Variants in RICTOR observed in about 807,000 individuals in gnomAD.
RICTOR encodes rapamycin-insensitive companion of mTOR.
In RICTOR, 49 loss-of-function variants were observed where a neutral mutation model predicts 214.9. The observed-to-expected ratio is 0.23, with a 90% CI of 0.18 to 0.29. The LOEUF is 0.29. Ranked by LOEUF, RICTOR falls within the 10% of genes least tolerant of loss-of-function variation. The pLI is 1.00. For synonymous variants in RICTOR, 717 were observed against 711.3 expected (o/e 1.01, Z -0.13); for missense variants, 1,625 against 2,047.0 (o/e 0.79, Z 3.98).
In RICTOR at chr5:38,962,940, G is replaced by C. The variant is rs2150024063; in HGVS notation, c.1502C>G (p.Ala501Gly). The change falls in exon 17 of 38, where the codon GCA becomes GGA. Residue 501 changes from alanine to glycine, a missense_variant. Around this residue, in one of 5 missense-constraint regions of RICTOR, gnomAD observed 1,214 missense variants for 1,470.5 expected, o/e 0.83. Transcript: ENST00000357387. The stretch of plus-strand genomic sequence containing the variant: ...ATCCCGTTTCTGGTGTGTTGCAATT[G>C]CTTTCTGAATAATGTGGTCTAAATG... ...SLHLDHIIQK[A>G]IATHQKRDQY... is the part of the protein sequence containing the mutation. 6.2e-7 allele frequency: 1 copy of C among 1,612,526 alleles called. No homozygotes were observed. Among genetic ancestry groups the C allele is most frequent in the Non-Finnish European group, 8.5e-7 (1 of 1,178,726 alleles).
intron 17 of RICTOR, 122 bp downstream of exon 17, chr5:38,962,754 G>C: frequency 1.1e-6 from 1 of 893,776 alleles, no homozygotes. Context: ...AAACTCAGAA[G>C]CCATCTGAAA....
chr5:39,052,286 G>A (rs1757909456), intron 2 of RICTOR, among the ~76,000 whole-genome samples: 1 of 152,128 alleles, frequency 6.6e-6, no homozygotes, highest in African/African-American at 2.4e-5. Context: ...TGAGACAGGA[G>A]GATCCCTTGA....
intron 2 of RICTOR, among the ~76,000 whole-genome samples, chr5:39,063,208 A>AT (rs1379880628): frequency 1.3e-5 from 2 of 152,170 alleles, no homozygotes; most frequent in Non-Finnish European, 1.5e-5. Flanking sequence ...GAATGCAGAC[A>AT]TTTATAGACT....
At position 38,950,130 on chromosome 5, in the gene RICTOR, T is replaced by C; in HGVS notation, c.3718A>G (p.Thr1240Ala). ...SSMSSSPSRE[T>A]VGVDATTMDT... ...ATAGTTGTAGCATCTACACCTACTG[T>C]CTCTCGTGAAGGACTTGAGCTCATT... Residue 1240 changes from threonine (T) to alanine (A), a missense_variant, in exon 31 of 38, where the codon ACA (threonine) becomes GCA (alanine). Physicochemically the swap from Thr to Ala is moderately conservative, Grantham distance 58. Around this residue, in one of 5 missense-constraint regions of RICTOR, gnomAD observed 1,214 missense variants for 1,470.5 expected, o/e 0.83. Transcript: ENST00000357387. 2 of 1,613,466 alleles carry C rather than the reference T, an allele frequency of 1.2e-6. No homozygotes were observed. Among genetic ancestry groups the C allele is most frequent in the Non-Finnish European group, 8.5e-7 (1 of 1,179,642 alleles).
At chr5:39,070,331 C>T (rs1386474364) in intron 2 of RICTOR, among the ~76,000 whole-genome samples, 6 of 151,844 alleles carry the variant, frequency 4.0e-5, no homozygotes, top group African/African-American at 1.2e-4. Flanking sequence ...TAGCCGGGCG[C>T]GGTGGCGGGC....
chr5:39,070,824 G>C (rs1376791673), intron 2 of RICTOR, among the ~76,000 whole-genome samples: 3 of 152,128 alleles, frequency 2.0e-5, no homozygotes, highest in Admixed American at 2.0e-4. Context: ...CAGTACAAAT[G>C]GCGAGAGGAA....
intron 2 of RICTOR, among the ~76,000 whole-genome samples, chr5:39,069,189 G>C (rs1164186741): frequency 6.6e-6 from 1 of 152,182 alleles, no homozygotes; most frequent in African/African-American, 2.4e-5. Flanking sequence ...TACAGAGGGA[G>C]AGTTTTGCTT....
rs368191098 is a variant in RICTOR, at chr5:39,021,085, C to A, written c.149G>T (p.Gly50Val). ...GCCTAGCTTTCTCATATTTGATACTCCCTGCAATCTGGCCACATTTTGGAG... is the reference window on the plus strand; with the variant it reads ...GCCTAGCTTTCTCATATTTGATACTACCTGCAATCTGGCCACATTTTGGAG... ...EILQNVARLQGVSNMRKLGHL... is the reference protein window; with the variant it reads ...EILQNVARLQVVSNMRKLGHL... Residue 50 changes from glycine (G) to valine (V), a missense_variant, in exon 3 of 38, where the codon GGA becomes GTA. Around this residue, in one of 5 missense-constraint regions of RICTOR, gnomAD observed 258 missense variants for 393.7 expected, o/e 0.66. Coordinates refer to ENST00000357387, the MANE Select transcript of RICTOR (RefSeq NM_152756.5). 1 of 1,602,902 alleles carries A rather than the reference C, an allele frequency of 6.2e-7. No individual in the cohort carries two copies. The highest frequency in any genetic ancestry group is 8.5e-7 in the Non-Finnish European group (1 of 1,170,106).
At chr5:38,957,057 G>A (rs908611520) in intron 25 of RICTOR, among the ~76,000 whole-genome samples, 3 of 152,202 alleles carry the variant, frequency 2.0e-5, no homozygotes, top group East Asian at 1.9e-4. Context: ...TTTCCAAGAT[G>A]CTTCGATGAC....
At chr5:39,032,322 A>G (rs1756334221) in intron 2 of RICTOR, among the ~76,000 whole-genome samples, 1 of 152,230 alleles carries the variant, frequency 6.6e-6, no homozygotes, top group South Asian at 2.1e-4. Context: ...GCACATAATA[A>G]TCTTTTGATC....
intron 5 of RICTOR, among the ~76,000 whole-genome samples, chr5:39,000,705 G>A (rs924527224): frequency 5.3e-5 from 8 of 151,942 alleles, no homozygotes; most frequent in African/African-American, 7.2e-5. Context: ...TGTAATTAAT[G>A]CTTATACACA....
chr5:39,041,409 C>T (rs1177667495), intron 2 of RICTOR, among the ~76,000 whole-genome samples: 1 of 152,036 alleles, frequency 6.6e-6, no homozygotes, highest in African/African-American at 2.4e-5. Flanking sequence ...GTTAACATAT[C>T]TTATATCTTT....
At chr5:39,035,676 A>G (rs1332090679) in intron 2 of RICTOR, among the ~76,000 whole-genome samples, 4 of 152,384 alleles carry the variant, frequency 2.6e-5, no homozygotes, top group Non-Finnish European at 4.4e-5. Flanking sequence ...ACGAAGGCAC[A>G]AGCCTCAGTA....
At chr5:39,073,897 G>A (rs912772891) in intron 2 of RICTOR, among the ~76,000 whole-genome samples, 11 of 152,166 alleles carry the variant, frequency 7.2e-5, no homozygotes, top group African/African-American at 2.4e-4. Context: ...CCCGGAGAAG[G>A]GCTCGGGCGA....
At chr5:39,060,520 G>A (rs1480260418) in intron 2 of RICTOR, among the ~76,000 whole-genome samples, 2 of 152,046 alleles carry the variant, frequency 1.3e-5, no homozygotes, top group South Asian at 2.1e-4. Context: ...ATTACAGAGG[G>A]TAGTAATAAA....
At chr5:39,049,596 G>A (rs565496526) in intron 2 of RICTOR, among the ~76,000 whole-genome samples, 1 of 148,282 alleles carries the variant, frequency 6.7e-6, no homozygotes, top group Admixed American at 6.7e-5. Context: ...CTGGCTTAAG[G>A]GAAAAAAAGA....
intron 2 of RICTOR, among the ~76,000 whole-genome samples, chr5:39,070,471 G>T (rs1005112860): frequency 6.6e-6 from 1 of 151,454 alleles, no homozygotes; most frequent in Non-Finnish European, 1.5e-5. Flanking sequence ...GCGAGACTCC[G>T]TCTCAAATAA....
intron 2 of RICTOR, among the ~76,000 whole-genome samples, chr5:39,027,087 G>A (rs979555971): frequency 6.6e-6 from 1 of 152,168 alleles, no homozygotes; most frequent in East Asian, 1.9e-4. Context: ...CAGATTGAGA[G>A]AGAAACCAAA....
Position 38,962,570 on chromosome 5 carries a change from A to G in RICTOR, c.1583T>C (p.Leu528Pro). 6.4e-7 allele frequency: 1 copy of G among 1,553,472 alleles called. No homozygotes were observed. The highest frequency in any genetic ancestry group is 8.8e-7 in the Non-Finnish European group (1 of 1,138,676). ...IFILKDTEEALLINLRDSQVL... is the reference protein window; with the variant it reads ...IFILKDTEEAPLINLRDSQVL... ...TTGGCTATCTCTAAGGTTAATTAAA[A>G]GAGCTTCCTCTGTATCCTAAAATCA... Residue 528 changes from leucine to proline, a missense_variant, in exon 18 of 38, where the codon CTT becomes CCT. Leu to Pro is a moderately conservative substitution (Grantham distance 98). Transcript: ENST00000357387.
Sources: allele counts gnomAD v4.1 joint callset (sites outside exome capture counted in the v4.1 genomes callset), GRCh38; gene constraint gnomAD v4.1.1; regional missense constraint gnomAD v4.1.1; transcripts MANE v1.5; gene names NCBI Gene and HGNC (gene_info 2026-07-23, HGNC 2026-07-21).